Variants in FOXJ2 observed in about 807,000 individuals in gnomAD.
FOXJ2 encodes forkhead box J2.
In FOXJ2, 18 loss-of-function variants were observed where a neutral mutation model predicts 68.4. The ratio of observed to expected loss-of-function variants is 0.26; its 90% CI spans 0.18 to 0.39. The LOEUF (loss-of-function observed/expected upper bound fraction) is 0.39. FOXJ2 is among the 10% of genes least tolerant of loss of function. The pLI is 1.00. For missense variants in FOXJ2, 670 were observed against 726.5 expected, an observed-to-expected ratio of 0.92 and a Z score of 0.89; for synonymous variants, 274 against 263.2, an observed-to-expected ratio of 1.04 and a Z score of -0.40.
In FOXJ2 at chr12:8,055,047, A is replaced by G. The variant is rs1947170106; in HGVS notation, c.*2197A>G. The G allele has an allele frequency of 6.6e-6, 1 of 152,214 alleles. No homozygotes were observed. Among genetic ancestry groups the G allele is most frequent in the Non-Finnish European group, 1.5e-5 (1 of 68,042 alleles). 9.4% of individuals were successfully genotyped at this position (152,214 alleles called of 1,614,324 possible). A position where few individuals can be genotyped will look rare whatever the true frequency, so the allele number is the denominator to read the frequency against. ...TTGGGTCTGGGACTGGAGATTGGCCATTAGGCCTCCTGAGATTCCAGCTCC... is the reference window on the plus strand; with the variant it reads ...TTGGGTCTGGGACTGGAGATTGGCCGTTAGGCCTCCTGAGATTCCAGCTCC... On this transcript the variant is annotated 3_prime_UTR_variant, in exon 11 of 11. Coordinates refer to ENST00000162391, the MANE Select transcript of FOXJ2 (RefSeq NM_018416.3).
Position 8,040,316 on chromosome 12 carries a change from T to G in FOXJ2, c.333+151T>G, listed in dbSNP as rs939625240. The G allele has an allele frequency of 1.2e-6, 1 of 828,050 alleles. No individual in the cohort carries two copies. The allele number at this position is 828,050 out of a possible 1,614,324, so 51.3% of individuals were successfully genotyped here. A position where few individuals can be genotyped will look rare whatever the true frequency, so the allele number is the denominator to read the frequency against. On this transcript the variant is annotated intron_variant, in intron 2 of 10. Transcript: ENST00000162391. The surrounding 1 kb of genome is among the most constrained non-coding windows in gnomAD (Gnocchi z 4.0). ...AAATCTCATATGTTCTGCCCTCTAC[T>G]TTTTTTTCAGAGTTGAACAACTTTT...
Position 8,048,790 on chromosome 12 carries a change from A to G in FOXJ2, c.1319A>G (p.Gln440Arg). 1 of 1,613,862 alleles carries G rather than the reference A, an allele frequency of 6.2e-7. No individual in the cohort carries two copies. The highest frequency in any genetic ancestry group is 8.5e-7 in the Non-Finnish European group (1 of 1,179,864). ...RLNWSSIEQS[Q>R]FSELMESLRQ... ...AATTGGTCCAGCATTGAGCAGTCACAATTCTCAGGTTAGTGATCAAAGGAC... is the reference window on the plus strand; with the variant it reads ...AATTGGTCCAGCATTGAGCAGTCACGATTCTCAGGTTAGTGATCAAAGGAC... The change falls in exon 8 of 11, where the codon CAA (glutamine) becomes CGA (arginine). Residue 440 changes from glutamine to arginine, a missense_variant. This residue lies in a region of FOXJ2 where 555 missense variants were observed against 562.2 expected (regional missense o/e 0.99). Transcript: ENST00000162391.
intron 1 of FOXJ2, among the ~76,000 whole-genome samples, chr12:8,037,782 G>C (rs1032979058): frequency 6.6e-6 from 1 of 152,202 alleles, no homozygotes; most frequent in Non-Finnish European, 1.5e-5. Context: ...AGATGACCCA[G>C]CTACAGGACT....
rs144000657 is a variant in FOXJ2 at position 8,047,251 on chromosome 12, G to A, written c.818-631G>A. On this transcript the variant is annotated intron_variant, in intron 6 of 10. Transcript: ENST00000162391. The stretch of plus-strand genomic sequence containing the variant: ...GCGGATCACCTGAAGTCAGGAGCTC[G>A]AGACCAGCCTCAACATGGAGAAACC... Among the ~76,000 whole-genome samples the A allele has an allele frequency of 5.3e-3, 810 of 152,162 alleles. 8 individuals are homozygous for A. Among genetic ancestry groups the A allele is most frequent in the African/African-American group, 0.018 (765 of 41,506 alleles).
In FOXJ2 at chr12:8,048,782, G is replaced by A. The variant is rs1363710317; in HGVS notation, c.1311G>A (p.Glu437=). 1 of 1,613,922 alleles carries A rather than the reference G, an allele frequency of 6.2e-7. No homozygotes were observed. The highest frequency in any genetic ancestry group is 1.7e-5 in the Admixed American group (1 of 60,026). The part of the protein sequence containing the change: ...MVNRLNWSSI[E]QSQFSELMES... ...ATCGGCTCAATTGGTCCAGCATTGA[G>A]CAGTCACAATTCTCAGGTTAGTGAT... Residue 437 remains glutamate (E), a synonymous_variant, in exon 8 of 11, where the codon GAG becomes GAA. Coordinates refer to ENST00000162391, the MANE Select transcript of FOXJ2 (RefSeq NM_018416.3).
In FOXJ2 at chr12:8,035,802, T is replaced by G. The variant is rs990314055; in HGVS notation, c.-15+1969T>G. On this transcript the variant is annotated intron_variant, in intron 1 of 10. Coordinates refer to ENST00000162391, the MANE Select transcript of FOXJ2 (RefSeq NM_018416.3). The surrounding 1 kb of genome is among the most constrained non-coding windows in gnomAD (Gnocchi z 4.0). The stretch of plus-strand genomic sequence containing the variant: ...GCTTTCCCAGACCATGTCTTATGAC[T>G]ACACCTAGTTCCCCCGGGAAGATAA... Among the ~76,000 whole-genome samples the G allele has an allele frequency of 1.3e-5, 2 of 152,200 alleles. No individual in the cohort carries two copies. The highest frequency in any genetic ancestry group is 4.8e-5 in the African/African-American group (2 of 41,436).
rs1287998166 is a variant in FOXJ2, at chr12:8,054,689, G to A, written c.*1839G>A. 5 of 152,580 alleles carry A rather than the reference G, an allele frequency of 3.3e-5. No individual in the cohort carries two copies. Among genetic ancestry groups the A allele is most frequent in the African/African-American group, 1.2e-4 (5 of 41,450 alleles). 9.5% of individuals were successfully genotyped at this position (152,580 alleles called of 1,614,324 possible). A position where few individuals can be genotyped will look rare whatever the true frequency, so the allele number is the denominator to read the frequency against. On this transcript the variant is annotated 3_prime_UTR_variant, in exon 11 of 11. Coordinates refer to ENST00000162391, the MANE Select transcript of FOXJ2 (RefSeq NM_018416.3). ...CCCATGATGTTGGAGGGCACTTAGT[G>A]GGGTTGAAGTATGACATAATATTTC...
Position 8,033,816 on chromosome 12 carries a change from G to A in FOXJ2, c.-32G>A, listed in dbSNP as rs1946865752. ...ACCAGGTGGTTCCCTCCCTTTGCCG[G>A]AGGAACCTTGGAGACAGGTTAGTGC... On this transcript the variant is annotated 5_prime_UTR_variant, in exon 1 of 11. Coordinates refer to ENST00000162391, the MANE Select transcript of FOXJ2 (RefSeq NM_018416.3). 1.3e-5 allele frequency: 2 copies of A among 152,730 alleles called. No individual in the cohort carries two copies. The highest frequency in any genetic ancestry group is 2.9e-5 in the Non-Finnish European group (2 of 68,102). 9.5% of individuals were successfully genotyped at this position (152,730 alleles called of 1,614,324 possible).
At position 8,042,765 on chromosome 12, in the gene FOXJ2, G is replaced by T. The variant is rs773084221; in HGVS notation, c.408+33G>T. ...ACTACTGTAAGCATTGAAAGGAGGA[G>T]TAGGAAGGAGAGTGAAGTAGTTGAC... On this transcript the variant is annotated intron_variant, in intron 3 of 10. Coordinates refer to ENST00000162391, the MANE Select transcript of FOXJ2 (RefSeq NM_018416.3). 1.3e-5 allele frequency: 20 copies of T among 1,570,200 alleles called. No homozygotes were observed. In the East Asian group the frequency reaches 4.0e-4, roughly 32 times the overall value.
Position 8,033,245 on chromosome 12 carries a change from T to C in FOXJ2, c.-603T>C. ...CCTCCAAACACACACTCTCAACAGT[T>C]CAGGACTTTGGAGGCAAAGAGAGAC... On this transcript the variant is annotated 5_prime_UTR_variant, in exon 1 of 11. Transcript: ENST00000162391. 5.1e-6 allele frequency: 1 copy of C among 195,418 alleles called. No individual in the cohort carries two copies. The highest frequency in any genetic ancestry group is 1.0e-5 in the Non-Finnish European group (1 of 97,496). The allele number at this position is 195,418 out of a possible 1,614,324, so 12.1% of individuals were successfully genotyped here. A position where few individuals can be genotyped will look rare whatever the true frequency, so the allele number is the denominator to read the frequency against.
intron 1 of FOXJ2, among the ~76,000 whole-genome samples, chr12:8,037,734 A>G (rs1370568954): frequency 6.6e-6 from 1 of 152,202 alleles, no homozygotes; most frequent in Non-Finnish European, 1.5e-5. Context: ...GACCCTGGTC[A>G]TTGGAAACCT....
Position 8,048,145 on chromosome 12 carries a change from C to A in FOXJ2, c.1081C>A (p.Pro361Thr), listed in dbSNP as rs751102229. The A allele has an allele frequency of 1.2e-5, 20 of 1,613,792 alleles. No individual in the cohort carries two copies. The highest frequency in any genetic ancestry group is 1.0e-4 in the Admixed American group (6 of 59,976). The change falls in exon 7 of 11, where the codon CCT (proline) becomes ACT (threonine). Residue 361 changes from proline (P) to threonine (T), a missense_variant. Coordinates refer to ENST00000162391, the MANE Select transcript of FOXJ2 (RefSeq NM_018416.3). The part of the protein sequence containing the change: ...QAGAEGYGPP[P>T]VMAMHPPPLQ... Reference sequence around the variant, plus strand: ...TGGGGCGGAAGGCTATGGGCCTCCCCCTGTAATGGCCATGCATCCACCCCC... The same window carrying A: ...TGGGGCGGAAGGCTATGGGCCTCCCACTGTAATGGCCATGCATCCACCCCC...
chr12:8,052,161 C>T (rs1343317770), intron 10 of FOXJ2, among the ~76,000 whole-genome samples: 3 of 152,118 alleles, frequency 2.0e-5, no homozygotes, highest in Non-Finnish European at 4.4e-5. Flanking sequence ...AGCCACCACG[C>T]CCAGCCATAT....
chr12:8,048,607 A>G, intron 7 of FOXJ2, 90 bp from the exon 8 acceptor site: 1 of 1,320,706 alleles, frequency 7.6e-7, no homozygotes, highest in Non-Finnish European at 1.1e-6. Context: ...TATAGATGCA[A>G]GAATCTTGCA....
intron 6 of FOXJ2, among the ~76,000 whole-genome samples, chr12:8,047,435 G>A (rs986369202): frequency 1.3e-5 from 2 of 152,030 alleles, no homozygotes; most frequent in African/African-American, 2.4e-5. Flanking sequence ...GGCAACAAGA[G>A]CGAAACTCTG....
chr12:8,039,649 A>G (rs1368665199), intron 1 of FOXJ2, among the ~76,000 whole-genome samples, 170 bp from the exon 2 acceptor site: 1 of 152,238 alleles, frequency 6.6e-6, no homozygotes, highest in Non-Finnish European at 1.5e-5. Context: ...CTAGCAGTCC[A>G]TCATCTGGTA....
Position 8,049,879 on chromosome 12 carries a change from G to A in FOXJ2, c.1537+308G>A, listed in dbSNP as rs560146253. 1,723 of 412,338 alleles carry A rather than the reference G, an allele frequency of 4.2e-3. 8 individuals are homozygous for A. Among genetic ancestry groups the A allele is most frequent in the Non-Finnish European group, 6.1e-3 (1,418 of 233,098 alleles). 25.5% of individuals were successfully genotyped at this position (412,338 alleles called of 1,614,324 possible). On this transcript the variant is annotated intron_variant, in intron 9 of 10. Coordinates refer to ENST00000162391, the MANE Select transcript of FOXJ2 (RefSeq NM_018416.3). Reference sequence around the variant, plus strand: ...AATTTGCGTCTCAGTAATCCCTACCGCCTGGGTGATACCGGATGAAATGGT... The same window carrying A: ...AATTTGCGTCTCAGTAATCCCTACCACCTGGGTGATACCGGATGAAATGGT...
At position 8,048,815 on chromosome 12, in the gene FOXJ2, C is replaced by T. The variant is rs530255329; in HGVS notation, c.1327+17C>T. ...AATTCTCAGGTTAGTGATCAAAGGACGAAGGAAGAGAGGGATACACTGTAA... is the reference window on the plus strand; with the variant it reads ...AATTCTCAGGTTAGTGATCAAAGGATGAAGGAAGAGAGGGATACACTGTAA... On this transcript the variant is annotated intron_variant, in intron 8 of 10. Transcript: ENST00000162391. The T allele has an allele frequency of 3.0e-5, 48 of 1,606,440 alleles. No homozygotes were observed. Among genetic ancestry groups the T allele is most frequent in the Non-Finnish European group, 3.4e-5 (40 of 1,173,880 alleles).
chr12:8,041,894 T>G (rs1946970671), intron 2 of FOXJ2, among the ~76,000 whole-genome samples: 3 of 151,788 alleles, frequency 2.0e-5, no homozygotes, highest in Non-Finnish European at 4.4e-5. Flanking sequence ...TTTTTTTTTT[T>G]GAGACGGAGT....
Sources: gnomAD v4.1 joint callset for allele counts (sites outside exome capture counted in the v4.1 genomes callset) on GRCh38, gnomAD v4.1.1 for gene constraint, gnomAD v4.1.1 regional missense constraint, Gnocchi (gnomAD v3.1) non-coding constraint, MANE v1.5 for transcripts, NCBI Gene and HGNC (gene_info 2026-07-23, HGNC 2026-07-21) for gene names.